Variants in KIFAP3 observed in about 807,000 individuals in gnomAD.
KIFAP3 encodes kinesin-associated protein 3.
A neutral mutation model predicts 106.5 loss-of-function variants in KIFAP3; 68 were observed. The ratio of observed to expected loss-of-function variants is 0.64; its 90% CI spans 0.53 to 0.78. The LOEUF is 0.78. Among genes scored for constraint, KIFAP3 ranks in the 30% least tolerant of loss-of-function variants. The pLI is 0.00. For synonymous variants in KIFAP3, 320 were observed against 311.5 expected, an observed-to-expected ratio of 1.03 and a Z score of -0.29; for missense variants, 780 against 941.8, an observed-to-expected ratio of 0.83 and a Z score of 2.25.
intron 9 of KIFAP3, 79 bp downstream of exon 9, chr1:170,024,339 A>T: frequency 1.2e-6 from 1 of 836,982 alleles, no homozygotes; most frequent in South Asian, 2.1e-5. Flanking sequence ...AGGGGAATAA[A>T]GTGTTTAATT....
At chr1:170,053,037 G>A (rs527846781) in intron 2 of KIFAP3, among the ~76,000 whole-genome samples, 2 of 152,112 alleles carry the variant, frequency 1.3e-5, no homozygotes, top group African/African-American at 4.8e-5. Context: ...CAAATAGAAA[G>A]TGAAGAAGTC....
intron 17 of KIFAP3, among the ~76,000 whole-genome samples, chr1:169,971,222 C>A (rs1445707959): frequency 1.3e-5 from 2 of 151,940 alleles, no homozygotes; most frequent in Non-Finnish European, 2.9e-5. Context: ...AACAGACTGA[C>A]AACTCCCTCC....
chr1:169,943,770 C>T (rs181094160), intron 19 of KIFAP3, among the ~76,000 whole-genome samples: 1 of 152,170 alleles, frequency 6.6e-6, no homozygotes, highest in Non-Finnish European at 1.5e-5. Flanking sequence ...AAATGCAATA[C>T]ATGTGAAAAG....
chr1:170,073,227 A>T (rs916877196), intron 1 of KIFAP3, among the ~76,000 whole-genome samples: 4 of 152,246 alleles, frequency 2.6e-5, no homozygotes, highest in Admixed American at 6.5e-5. Flanking sequence ...GTGAGGAAAT[A>T]AACACTGATG....
Position 170,064,592 on chromosome 1 carries a change from G to A in KIFAP3, c.33-9156C>T, listed in dbSNP as rs150598989. Among the ~76,000 whole-genome samples, 85 of 152,248 alleles carry A rather than the reference G, an allele frequency of 5.6e-4. 1 individual carries two copies. In the East Asian group the frequency reaches 0.016, roughly 28 times the overall value. Reference sequence around the variant, plus strand: ...TAGTCTTGAACTCCTGGGCTCAAGCGATCCACCAGCCTCAGCCTCCCAAAG... The same window carrying A: ...TAGTCTTGAACTCCTGGGCTCAAGCAATCCACCAGCCTCAGCCTCCCAAAG... On this transcript the variant is annotated intron_variant, in intron 1 of 19. Coordinates refer to ENST00000361580, the MANE Select transcript of KIFAP3 (RefSeq NM_014970.4).
intron 1 of KIFAP3, among the ~76,000 whole-genome samples, chr1:170,069,586 A>G (rs1671602048): frequency 6.6e-6 from 1 of 152,178 alleles, no homozygotes; most frequent in South Asian, 2.1e-4. Context: ...CAATCGATGC[A>G]GAAAAAAGCA....
At chr1:170,064,995 T>C (rs1345393206) in intron 1 of KIFAP3, among the ~76,000 whole-genome samples, 4 of 152,206 alleles carry the variant, frequency 2.6e-5, no homozygotes, top group Non-Finnish European at 4.4e-5. Flanking sequence ...TATAAATTAG[T>C]TGAGGAGTAT....
chr1:169,938,598 C>T (rs1442664497), intron 19 of KIFAP3, among the ~76,000 whole-genome samples: 5 of 152,054 alleles, frequency 3.3e-5, no homozygotes, highest in South Asian at 4.1e-4. Flanking sequence ...ATTAAACAAA[C>T]GTCTATTGAG....
intron 9 of KIFAP3, among the ~76,000 whole-genome samples, chr1:170,019,052 G>A (rs1196304592): frequency 6.6e-6 from 1 of 152,048 alleles, no homozygotes; most frequent in Admixed American, 6.6e-5. Context: ...CCTTCAGACA[G>A]AGATAAAAAG....
At chr1:169,995,739 G>C (rs1667336626) in intron 10 of KIFAP3, among the ~76,000 whole-genome samples, 1 of 151,910 alleles carries the variant, frequency 6.6e-6, no homozygotes, top group Non-Finnish European at 1.5e-5. Flanking sequence ...GTCCTGAGGT[G>C]GCACATCATT....
intron 8 of KIFAP3, among the ~76,000 whole-genome samples, chr1:170,031,373 A>C (rs1669401510): frequency 6.6e-6 from 1 of 151,768 alleles, no homozygotes; most frequent in Non-Finnish European, 1.5e-5. Flanking sequence ...ATCCGGACTT[A>C]AATTCACACT....
At chr1:170,041,747 A>G in intron 3 of KIFAP3, 1 of 1,534,660 alleles carries the variant, frequency 6.5e-7, no homozygotes, top group South Asian at 1.2e-5. Flanking sequence ...AAGTGTTGCC[A>G]AGGGCAATCG....
At chr1:169,951,866 G>C (rs1455271588) in intron 19 of KIFAP3, among the ~76,000 whole-genome samples, 1 of 150,984 alleles carries the variant, frequency 6.6e-6, no homozygotes, top group African/African-American at 2.5e-5. Context: ...AACATAAATG[G>C]CAGAATAATT....
At chr1:170,005,243 CTT>C in intron 10 of KIFAP3, among the ~76,000 whole-genome samples, 1 of 152,224 alleles carries the variant, frequency 6.6e-6, no homozygotes, top group South Asian at 2.1e-4. Context: ...AATAGGAACA[CTT>C]TACACTGTTG....
chr1:169,956,371 C>T (rs1665012649), intron 18 of KIFAP3, among the ~76,000 whole-genome samples: 1 of 152,024 alleles, frequency 6.6e-6, no homozygotes, highest in Admixed American at 6.6e-5. Flanking sequence ...TGACCAAATT[C>T]TCAACATCTT....
chr1:170,037,825 A>G (rs1380987123), intron 5 of KIFAP3, among the ~76,000 whole-genome samples: 1 of 152,130 alleles, frequency 6.6e-6, no homozygotes, highest in African/African-American at 2.4e-5. Context: ...TATTGAGAAA[A>G]GGGTGTTAAA....
chr1:170,057,514 CTTG>C (rs1290162718), intron 1 of KIFAP3, among the ~76,000 whole-genome samples: 1 of 150,714 alleles, frequency 6.6e-6, no homozygotes, highest in Admixed American at 6.6e-5. Context: ...GAAGTAGTCA[CTTG>C]TTATTTTACC....
chr1:170,017,702 T>C (rs1361754481), intron 9 of KIFAP3, among the ~76,000 whole-genome samples: 2 of 152,210 alleles, frequency 1.3e-5, no homozygotes, highest in African/African-American at 4.8e-5. Context: ...TGTGGTCAGA[T>C]GCGTTCCTAG....
In KIFAP3 at chr1:170,074,654, C is replaced by T; in HGVS notation, c.-187G>A. On this transcript the variant is annotated 5_prime_UTR_variant, in exon 1 of 20. Coordinates refer to ENST00000361580, the MANE Select transcript of KIFAP3 (RefSeq NM_014970.4). The stretch of plus-strand genomic sequence containing the variant: ...TCCAGCTCCTCCCACAGCTTCTGTG[C>T]CCCAAAACACTGGAGCGGCCCAGAC... 2 of 1,457,000 alleles carry T rather than the reference C, an allele frequency of 1.4e-6. No individual in the cohort carries two copies. Among genetic ancestry groups the T allele is most frequent in the Non-Finnish European group, 1.8e-6 (2 of 1,103,746 alleles). 90.3% of individuals were successfully genotyped at this position (1,457,000 alleles called of 1,614,324 possible).
Sources: gnomAD v4.1 joint callset for allele counts (sites outside exome capture counted in the v4.1 genomes callset) on GRCh38, gnomAD v4.1.1 for gene constraint, MANE v1.5 for transcripts, NCBI Gene and HGNC (gene_info 2026-07-23, HGNC 2026-07-21) for gene names.